FMN2: variants seen among roughly 807,000 people sequenced by gnomAD.
FMN2 encodes the protein formin 2.
In FMN2, 51 loss-of-function variants were observed where a neutral mutation model predicts 142.3. The observed-to-expected ratio is 0.36, with a 90% CI of 0.29 to 0.45. The LOEUF (loss-of-function observed/expected upper bound fraction) is 0.45, where lower values mean the gene tolerates loss of function less well. Ranked by LOEUF, FMN2 falls within the 20% of genes least tolerant of loss-of-function variation. FMN2 has a pLI of 1.00. For missense variants in FMN2, 1,936 were observed against 2,122.8 expected, an observed-to-expected ratio of 0.91 and a Z score of 1.73; for synonymous variants, 882 against 869.8, an observed-to-expected ratio of 1.01 and a Z score of -0.25.
chr1:240,436,222 C>T (rs951249291), intron 15 of FMN2, among the ~76,000 whole-genome samples: 4 of 152,138 alleles, frequency 2.6e-5, no homozygotes, highest in Admixed American at 2.0e-4. Flanking sequence ...GACTCTTTCT[C>T]AGGTTTAATT....
intron 3 of FMN2, among the ~76,000 whole-genome samples, chr1:240,185,089 T>TCCCCCTTCTCTTTCTCCCTCCTATACCTG (rs1665365450): frequency 3.0e-5 from 1 of 33,762 alleles, no homozygotes; most frequent in African/African-American, 1.2e-4. Flanking sequence ...TCCTATACCT[T>TCCCCCTTCTCTTTCTCCCTCCTATACCTG]CCCCCTTCTC....
chr1:240,203,491 C>A (rs7517169), intron 4 of FMN2, among the ~76,000 whole-genome samples: 54,897 of 152,070 alleles, frequency 0.36, 10,235 homozygotes, highest in Non-Finnish European at 0.39. Context: ...AAAAGGAATG[C>A]GATCATGTCC....
At chr1:240,214,893 C>G (rs1221214672) in intron 6 of FMN2, among the ~76,000 whole-genome samples, 4 of 152,114 alleles carry the variant, frequency 2.6e-5, no homozygotes, top group African/African-American at 9.7e-5. Flanking sequence ...TGGGGAAATT[C>G]TGAATCTATA....
At chr1:240,440,110 A>ACATCAGG (rs1241208641) in intron 16 of FMN2, among the ~76,000 whole-genome samples, 1 of 152,224 alleles carries the variant, frequency 6.6e-6, no homozygotes, top group Non-Finnish European at 1.5e-5. Flanking sequence ...GGTCCGATGC[A>ACATCAGG]CATCAGGTAA....
At chr1:240,463,331 G>T (rs1200479176) in intron 16 of FMN2, among the ~76,000 whole-genome samples, 4 of 152,180 alleles carry the variant, frequency 2.6e-5, no homozygotes, top group Non-Finnish European at 5.9e-5. Context: ...CATAGAAGGG[G>T]TGGGGAAGAG....
intron 13 of FMN2, among the ~76,000 whole-genome samples, chr1:240,344,540 C>A (rs183411550): frequency 6.6e-6 from 1 of 152,066 alleles, no homozygotes; most frequent in East Asian, 1.9e-4. Flanking sequence ...TTTCAGTATT[C>A]TTTGACTTTT....
intron 6 of FMN2, among the ~76,000 whole-genome samples, chr1:240,221,270 C>T (rs1325565096): frequency 6.6e-6 from 1 of 152,124 alleles, no homozygotes; most frequent in Non-Finnish European, 1.5e-5. Flanking sequence ...ATTTCTGGTT[C>T]TAGATCCTTG....
chr1:240,155,398 C>G (rs1337948176), intron 2 of FMN2, among the ~76,000 whole-genome samples: 1 of 152,178 alleles, frequency 6.6e-6, no homozygotes, highest in African/African-American at 2.4e-5. Flanking sequence ...CCCACTTCCA[C>G]CTCCATCTCT....
chr1:240,405,202 G>C (rs1674106226), intron 15 of FMN2, among the ~76,000 whole-genome samples: 2 of 152,186 alleles, frequency 1.3e-5, no homozygotes, highest in South Asian at 2.1e-4. Context: ...TGAAATGCAA[G>C]TAGGGCAAGG....
chr1:240,328,204 C>G (rs1041364810), intron 8 of FMN2, among the ~76,000 whole-genome samples: 3 of 139,872 alleles, frequency 2.1e-5, no homozygotes, highest in Non-Finnish European at 3.1e-5. Flanking sequence ...GGATCAAAAC[C>G]TTTTATTTTT....
chr1:240,245,278 G>A (rs1668039603), intron 6 of FMN2: 2 of 326,208 alleles, frequency 6.1e-6, no homozygotes, highest in Admixed American at 4.2e-5. Context: ...GGGACTGACA[G>A]GATGAAGGCA....
intron 2 of FMN2, among the ~76,000 whole-genome samples, chr1:240,175,587 G>A (rs963764451): frequency 1.7e-4 from 20 of 120,214 alleles, no homozygotes; most frequent in African/African-American, 5.4e-4. Context: ...CTTGACTTCC[G>A]GGGCTCAAGT....
intron 14 of FMN2, among the ~76,000 whole-genome samples, chr1:240,376,844 AT>A (rs1436402647): frequency 6.6e-6 from 1 of 152,046 alleles, no homozygotes; most frequent in African/African-American, 2.4e-5. Flanking sequence ...TTTGTTTAAT[AT>A]TTTCAGTGGT....
At chr1:240,367,767 CAAAAAAAA>C (rs60368715) in intron 14 of FMN2, among the ~76,000 whole-genome samples, 1,772 of 54,156 alleles carry the variant, frequency 0.033, 37 homozygotes, top group African/African-American at 0.082. Context: ...GACTCAGTCT[CAAAAAAAA>C]AAAAAAAAAA....
chr1:240,328,884 C>A (rs1328231110), intron 8 of FMN2, among the ~76,000 whole-genome samples, 192 bp from the exon 9 acceptor site: 3 of 152,282 alleles, frequency 2.0e-5, no homozygotes, highest in South Asian at 4.1e-4. Flanking sequence ...AGCCACCACA[C>A]CCGGCCATAT....
chr1:240,384,184 T>C (rs1287268397), intron 14 of FMN2, among the ~76,000 whole-genome samples: 1 of 151,932 alleles, frequency 6.6e-6, no homozygotes, highest in African/African-American at 2.4e-5. Flanking sequence ...GTCAAAAAAC[T>C]ACCTATTGAG....
At chr1:240,174,299 C>G (rs1664825609) in intron 2 of FMN2, among the ~76,000 whole-genome samples, 1 of 152,134 alleles carries the variant, frequency 6.6e-6, no homozygotes, top group African/African-American at 2.4e-5. Flanking sequence ...ATCATTACCA[C>G]TAACTGGAGG....
chr1:240,396,202 A>G (rs1442975940), intron 15 of FMN2, among the ~76,000 whole-genome samples: 2 of 152,148 alleles, frequency 1.3e-5, no homozygotes, highest in African/African-American at 4.8e-5. Flanking sequence ...CATAACTTTT[A>G]TATGCACTAG....
chr1:240,396,679 C>G (rs368470975), intron 15 of FMN2, among the ~76,000 whole-genome samples: 4 of 152,102 alleles, frequency 2.6e-5, no homozygotes, highest in Non-Finnish European at 5.9e-5. Context: ...GTGTTTAGCT[C>G]CCACTTATAA....
Sources: gnomAD v4.1 joint callset for allele counts (sites outside exome capture counted in the v4.1 genomes callset) on GRCh38, gnomAD v4.1.1 for gene constraint, MANE v1.5 for transcripts, NCBI Gene and HGNC (gene_info 2026-07-23, HGNC 2026-07-21) for gene names.